Variants in KHDC4 observed in about 807,000 individuals in gnomAD.
KHDC4 encodes KH homology domain-containing protein 4.
KHDC4 carries 19 observed loss-of-function variants against 74.5 expected under a neutral mutation model. The ratio of observed to expected loss-of-function variants is 0.26; its 90% CI spans 0.18 to 0.37. KHDC4 has a LOEUF of 0.37. Ranked by LOEUF, KHDC4 falls within the 10% of genes least tolerant of loss-of-function variation. The probability of loss-of-function intolerance (pLI) is 1.00; values close to 1 mark genes in which losing one functional copy is unlikely to be tolerated. For synonymous variants in KHDC4, 253 were observed against 266.1 expected, an observed-to-expected ratio of 0.95 and a Z score of 0.48; for missense variants, 632 against 754.1, an observed-to-expected ratio of 0.84 and a Z score of 1.90.
At chr1:155,918,314 C>T (rs1673778365) in intron 10 of KHDC4, among the ~76,000 whole-genome samples, 1 of 152,150 alleles carries the variant, frequency 6.6e-6, no homozygotes, top group Admixed American at 6.5e-5. Context: ...ACTCGGCTCA[C>T]TACAACCTCT....
At chr1:155,934,195 G>T in intron 1 of KHDC4, 141 bp downstream of exon 1, 1 of 971,288 alleles carries the variant, frequency 1.0e-6, no homozygotes, top group Non-Finnish European at 1.5e-6. Flanking sequence ...CCCCAGGCCT[G>T]CTCAAGATCC....
Position 155,931,971 on chromosome 1 carries a change from T to C in KHDC4, c.255+1662A>G, listed in dbSNP as rs1005529005. Among the ~76,000 whole-genome samples the C allele has an allele frequency of 3.9e-5, 6 of 152,216 alleles. No individual in the cohort carries two copies. In the South Asian group the frequency reaches 1.2e-3, roughly 31 times the overall value. ...AGGGTTCTAGTCTATCAGTCGAATA[T>C]GGTAGCCATTAGCCACATGTGTCTC... On this transcript the variant is annotated intron_variant, in intron 2 of 13. Transcript: ENST00000368321.
At chr1:155,924,475 T>C (rs1420298702) in intron 7 of KHDC4, among the ~76,000 whole-genome samples, 1 of 151,976 alleles carries the variant, frequency 6.6e-6, no homozygotes, top group Non-Finnish European at 1.5e-5. Flanking sequence ...CTGAAAGTGC[T>C]GGGATTACAG....
chr1:155,915,987 T>C (rs917244015), intron 12 of KHDC4, 23 bp from the exon 13 acceptor site: 2 of 1,456,192 alleles, frequency 1.4e-6, no homozygotes, highest in Admixed American at 2.1e-5. Flanking sequence ...AAAATGAAAC[T>C]TTCTTTCAGA....
intron 11 of KHDC4, 104 bp from the exon 12 acceptor site, chr1:155,916,841 A>C (rs936429052): frequency 5.3e-6 from 4 of 747,858 alleles, no homozygotes; most frequent in African/African-American, 3.5e-5. Flanking sequence ...GATAAGTTGT[A>C]GTACGTTAAA....
chr1:155,919,438 G>A (rs1022513490), intron 10 of KHDC4, among the ~76,000 whole-genome samples: 1 of 152,178 alleles, frequency 6.6e-6, no homozygotes, highest in Non-Finnish European at 1.5e-5. Flanking sequence ...CATTTTGGAA[G>A]TCCGAGGCTG....
At chr1:155,921,972 CAAG>C in intron 8 of KHDC4, 54 bp from the exon 9 acceptor site, 1 of 1,124,276 alleles carries the variant, frequency 8.9e-7, no homozygotes, top group African/African-American at 1.5e-5. Context: ...TGTGCATTTA[CAAG>C]GGTCTGATTA....
chr1:155,931,451 G>A (rs540889188), intron 2 of KHDC4, among the ~76,000 whole-genome samples: 75 of 152,266 alleles, frequency 4.9e-4, no homozygotes, highest in Middle Eastern at 3.4e-3. Context: ...AAAATTAGCC[G>A]GGCATGGTGG....
rs893879669 is a variant in KHDC4 at position 155,934,318 on chromosome 1, T to C, written c.38+18A>G. The C allele has an allele frequency of 6.2e-7, 1 of 1,607,280 alleles. No individual in the cohort carries two copies. On this transcript the variant is annotated intron_variant, in intron 1 of 13. Transcript: ENST00000368321. ...CGCCCCAGTGCTCGCTCCGATGCCC[T>C]CGCCCCTGAAGCCGTACCCGCCAGC...
At chr1:155,923,499 T>G (rs1194718055) in intron 8 of KHDC4, 128 bp downstream of exon 8, 2 of 689,068 alleles carry the variant, frequency 2.9e-6, no homozygotes, top group Non-Finnish European at 5.2e-6. Context: ...TTGTGTTATT[T>G]TAAGCCACCC....
At chr1:155,931,897 C>T (rs186780656) in intron 2 of KHDC4, among the ~76,000 whole-genome samples, 23 of 152,222 alleles carry the variant, frequency 1.5e-4, no homozygotes, top group Admixed American at 4.6e-4. Flanking sequence ...TCCTTATGGC[C>T]GCCTTTAATA....
At chr1:155,925,127 C>T (rs1287100308) in intron 7 of KHDC4, among the ~76,000 whole-genome samples, 20 of 150,434 alleles carry the variant, frequency 1.3e-4, no homozygotes, top group South Asian at 6.3e-4. Flanking sequence ...CCCGGGTTCA[C>T]GCCATTCTCC....
rs546616288 is a variant in KHDC4, at chr1:155,919,125, G to A, written c.1267-1453C>T. ...TGGGATTACAGATGCCTGCCACCGC[G>A]CCCAGCTAATTTTTGTATTTTTAGC... On this transcript the variant is annotated intron_variant, in intron 10 of 13. Transcript: ENST00000368321. Among the ~76,000 whole-genome samples the A allele has an allele frequency of 7.9e-5, 12 of 151,792 alleles. No homozygotes were observed. The East Asian group carries it at 1.8e-3, about 22-fold the overall frequency.
intron 5 of KHDC4, 72 bp downstream of exon 5, chr1:155,927,032 C>T (rs1263200958): frequency 2.0e-5 from 30 of 1,474,116 alleles, no homozygotes; most frequent in Admixed American, 3.4e-5. Context: ...GGACACTTTG[C>T]CAACTTGCTA....
chr1:155,926,322 G>C (rs1673995557), intron 6 of KHDC4: 4 of 302,580 alleles, frequency 1.3e-5, no homozygotes, highest in South Asian at 8.5e-5. Context: ...GTATTACTTG[G>C]CACTTTTTTT....
Position 155,914,303 on chromosome 1 carries a change from T to C in KHDC4, c.1663A>G (p.Met555Val). The C allele has an allele frequency of 6.2e-7, 1 of 1,613,756 alleles. No homozygotes were observed. Among genetic ancestry groups the C allele is most frequent in the Non-Finnish European group, 8.5e-7 (1 of 1,179,892 alleles). ...TGSHDYPAKK[M>V]KTTEKGFGLV... is the part of the protein sequence containing the mutation. The stretch of plus-strand genomic sequence containing the variant: ...CCAAATCCCTTCTCTGTAGTTTTCA[T>C]CTTCTTGGCTGGATAATCTAGAATA... The change falls in exon 14 of 14, where the codon ATG (methionine) becomes GTG (valine). Residue 555 changes from methionine (M) to valine (V), a missense_variant. Met to Val is a conservative substitution (Grantham distance 21). This residue lies in a region of KHDC4 where 254 missense variants were observed against 267.4 expected (regional missense o/e 0.95). Coordinates refer to ENST00000368321, the MANE Select transcript of KHDC4 (RefSeq NM_014949.4).
chr1:155,920,288 A>T (rs1365030062), intron 10 of KHDC4, among the ~76,000 whole-genome samples: 1 of 151,980 alleles, frequency 6.6e-6, no homozygotes, highest in Non-Finnish European at 1.5e-5. Context: ...ATACAAAAAA[A>T]TTAGCCAGGC....
chr1:155,931,319 C>CAGAA lies in KHDC4; in HGVS notation c.256-1483_256-1480dup, dbSNP rs199730832. ...AAAAAAAAAAAAAAAGACAGAAAGA[C>CAGAA]AGAAAGAAAGAAAGAAAGAATGAAC... On this transcript the variant is annotated intron_variant, in intron 2 of 13. Coordinates refer to ENST00000368321, the MANE Select transcript of KHDC4 (RefSeq NM_014949.4). 3.0e-3 allele frequency among the ~76,000 whole-genome samples: 424 copies of CAGAA among 143,544 alleles called. 2 individuals are homozygous for CAGAA. Among genetic ancestry groups the CAGAA allele is most frequent in the Non-Finnish European group, 4.1e-3 (271 of 65,870 alleles). 94.2% of individuals were successfully genotyped at this position (143,544 alleles called of 152,430 possible).
chr1:155,918,255 C>CA (rs1450940989), intron 10 of KHDC4, among the ~76,000 whole-genome samples: 1 of 152,152 alleles, frequency 6.6e-6, no homozygotes, highest in Non-Finnish European at 1.5e-5. Context: ...GTTTTTGAGA[C>CA]AGAGTCTCAG....
Sources: gnomAD v4.1 joint callset for allele counts (sites outside exome capture counted in the v4.1 genomes callset) on GRCh38, gnomAD v4.1.1 for gene constraint, gnomAD v4.1.1 regional missense constraint, MANE v1.5 for transcripts, NCBI Gene and HGNC (gene_info 2026-07-23, HGNC 2026-07-21) for gene names.